The following LRRC4C variants were observed in gnomAD, a reference collection of about 807,000 sequenced individuals.
The protein encoded by LRRC4C is leucine-rich repeat-containing protein 4C.
In LRRC4C, 5 loss-of-function variants were observed where a neutral mutation model predicts 33.6. The ratio of observed to expected loss-of-function variants is 0.15; its 90% CI spans 0.08 to 0.31. The LOEUF is 0.31. Among genes scored for constraint, LRRC4C ranks in the 10% least tolerant of loss-of-function variants. The pLI is 1.00. For synonymous variants in LRRC4C, 329 were observed against 302.0 expected (o/e 1.09, Z -0.93); for missense variants, 560 against 796.7 (o/e 0.70, Z 3.58).
rs148452683 is a variant in LRRC4C at position 40,729,563 on chromosome 11, C to T, written c.-406-81285G>A. Among the ~76,000 whole-genome samples, 263 of 152,218 alleles carry T rather than the reference C, an allele frequency of 1.7e-3. 1 individual carries two copies. The highest frequency in any genetic ancestry group is 2.2e-3 in the Non-Finnish European group (151 of 68,018). On this transcript the variant is annotated intron_variant, in intron 2 of 6. Transcript: ENST00000528697. ...ATGATATGGAGGTAAGATCATTCCCCAAAGCCTGGTCCTCACTCAACATTT... is the reference window on the plus strand; with the variant it reads ...ATGATATGGAGGTAAGATCATTCCCTAAAGCCTGGTCCTCACTCAACATTT...
intron 1 of LRRC4C, among the ~76,000 whole-genome samples, chr11:41,404,513 CACACAGACACAAAG>C (rs1172476698): frequency 7.1e-5 from 9 of 126,648 alleles, no homozygotes; most frequent in Admixed American, 3.4e-4. Context: ...CACAGACACA[CACACAGACACAAAG>C]ACACACAGAC....
At chr11:40,626,916 A>C (rs1314493094) in intron 3 of LRRC4C, among the ~76,000 whole-genome samples, 1 of 152,012 alleles carries the variant, frequency 6.6e-6, no homozygotes, top group Non-Finnish European at 1.5e-5. Context: ...GATAATCCAG[A>C]TATCTTCTCC....
At chr11:40,828,343 C>T (rs1373057577) in intron 2 of LRRC4C, among the ~76,000 whole-genome samples, 2 of 151,620 alleles carry the variant, frequency 1.3e-5, no homozygotes, top group Non-Finnish European at 3.0e-5. Context: ...AATTATGCAA[C>T]TAGGATGCAA....
At chr11:40,777,458 C>T (rs61888007) in intron 2 of LRRC4C, among the ~76,000 whole-genome samples, 4,086 of 148,138 alleles carry the variant, frequency 0.028, 76 homozygotes, top group Middle Eastern at 0.042. Context: ...TGAATTAAAA[C>T]ATTTATCATT....
intron 4 of LRRC4C, among the ~76,000 whole-genome samples, chr11:40,283,693 CTTTTTTTTTTTTTTTTTT>C (rs5791366): frequency 5.1e-5 from 3 of 59,262 alleles, no homozygotes; most frequent in African/African-American, 7.1e-5. Context: ...GGTCCATATT[CTTTTTTTTTTTTTTTTTT>C]TTTTTTTTTT....
At chr11:40,926,401 A>T (rs1957407894) in intron 2 of LRRC4C, among the ~76,000 whole-genome samples, 1 of 152,226 alleles carries the variant, frequency 6.6e-6, no homozygotes, top group Admixed American at 6.5e-5. Context: ...ATGCTCATTA[A>T]TGATGAAAAA....
intron 1 of LRRC4C, among the ~76,000 whole-genome samples, chr11:41,327,832 G>A (rs918765890): frequency 1.3e-5 from 2 of 152,164 alleles, no homozygotes; most frequent in Non-Finnish European, 2.9e-5. Context: ...TGCTATGTAA[G>A]ACGTATCTTT....
intron 3 of LRRC4C, among the ~76,000 whole-genome samples, chr11:40,369,358 T>C (rs186095815): frequency 1.9e-3 from 288 of 152,302 alleles, no homozygotes; most frequent in Non-Finnish European, 3.0e-3. Context: ...TGTTTGTTTG[T>C]TTTGAGATGG....
intron 2 of LRRC4C, among the ~76,000 whole-genome samples, chr11:40,850,243 G>T (rs916905089): frequency 6.6e-6 from 1 of 151,916 alleles, no homozygotes; most frequent in Non-Finnish European, 1.5e-5. Context: ...CAGCCTTTTT[G>T]TGCTGGTTTT....
chr11:41,195,947 T>G (rs1414999872), intron 1 of LRRC4C, among the ~76,000 whole-genome samples: 1 of 152,050 alleles, frequency 6.6e-6, no homozygotes, highest in Non-Finnish European at 1.5e-5. Context: ...CTCATCTACT[T>G]TCTGCTCAAG....
chr11:41,147,744 T>C (rs1943791972), intron 1 of LRRC4C, among the ~76,000 whole-genome samples: 1 of 152,116 alleles, frequency 6.6e-6, no homozygotes, highest in Admixed American at 6.5e-5. Flanking sequence ...AGAGCTTTAA[T>C]CAGACATTTA....
chr11:40,922,887 G>T (rs546944195), intron 2 of LRRC4C, among the ~76,000 whole-genome samples: 1 of 152,040 alleles, frequency 6.6e-6, no homozygotes, highest in East Asian at 1.9e-4. Context: ...GCACAGTGGC[G>T]CAAACTCTGC....
At chr11:40,316,937 T>C (rs1945603925) in intron 4 of LRRC4C, among the ~76,000 whole-genome samples, 1 of 6,180 alleles carries the variant, frequency 1.6e-4, no homozygotes, top group Non-Finnish European at 0.011. Context: ...TTCCCTAATA[T>C]GCTAAAAAAG....
At chr11:41,225,930 A>T (rs1947514821) in intron 1 of LRRC4C, among the ~76,000 whole-genome samples, 1 of 152,166 alleles carries the variant, frequency 6.6e-6, no homozygotes, top group Admixed American at 6.6e-5. Flanking sequence ...TCAACAGGAC[A>T]TAGCTCACCA....
At chr11:40,882,874 C>G (rs1955253274) in intron 2 of LRRC4C, among the ~76,000 whole-genome samples, 1 of 152,062 alleles carries the variant, frequency 6.6e-6, no homozygotes, top group African/African-American at 2.4e-5. Context: ...CAAGCATGCA[C>G]TGTCTAATGC....
intron 3 of LRRC4C, among the ~76,000 whole-genome samples, chr11:40,395,045 T>C (rs1280367725): frequency 6.6e-6 from 1 of 152,154 alleles, no homozygotes; most frequent in East Asian, 1.9e-4. Context: ...TATAATTATA[T>C]AGACTTTGAT....
chr11:40,659,407 C>A lies in LRRC4C; in HGVS notation c.-406-11129G>T, dbSNP rs147084787. 4.2e-3 allele frequency among the ~76,000 whole-genome samples: 646 copies of A among 152,216 alleles called. 3 individuals carry two copies. Among genetic ancestry groups the A allele is most frequent in the African/African-American group, 0.015 (606 of 41,524 alleles). On this transcript the variant is annotated intron_variant, in intron 2 of 6. Transcript: ENST00000528697. ...TCCCTGGTGAAACCCTACCTTCAAG[C>A]CAGGGATGTCCTGAAGCCTGGGGTC...
intron 1 of LRRC4C, among the ~76,000 whole-genome samples, chr11:41,217,219 T>C (rs1183252002): frequency 2.0e-5 from 3 of 152,240 alleles, no homozygotes; most frequent in Non-Finnish European, 4.4e-5. Context: ...AGAAATTACT[T>C]AATGACACTA....
intron 2 of LRRC4C, among the ~76,000 whole-genome samples, chr11:40,869,853 C>T (rs942362670): frequency 6.6e-6 from 1 of 152,132 alleles, no homozygotes; most frequent in African/African-American, 2.4e-5. Flanking sequence ...TGTGTTATTC[C>T]TGCTCTGAAG....
Sources: gnomAD v4.1 joint callset for allele counts (sites outside exome capture counted in the v4.1 genomes callset) on GRCh38, gnomAD v4.1.1 for gene constraint, MANE v1.5 for transcripts, NCBI Gene and HGNC (gene_info 2026-07-23, HGNC 2026-07-21) for gene names.